NRDC: variants seen among roughly 807,000 people sequenced by gnomAD.
The protein encoded by NRDC is nardilysin.
A neutral mutation model predicts 147.1 loss-of-function variants in NRDC; 54 were observed. The ratio of observed to expected loss-of-function variants is 0.37; its 90% CI spans 0.29 to 0.46. The LOEUF (loss-of-function observed/expected upper bound fraction) is 0.46. Among genes scored for constraint, NRDC ranks in the 20% least tolerant of loss-of-function variants. NRDC has a pLI of 1.00. For missense variants in NRDC, 1,082 were observed against 1,370.6 expected, an observed-to-expected ratio of 0.79 and a Z score of 3.33; for synonymous variants, 440 against 482.1, an observed-to-expected ratio of 0.91 and a Z score of 1.14.
intron 3 of NRDC, 112 bp downstream of exon 3, chr1:51,836,019 T>C: frequency 1.2e-6 from 1 of 813,724 alleles, no homozygotes; most frequent in South Asian, 1.6e-5. Context: ...CCTTTTCTCT[T>C]GCTAAATATA....
At chr1:51,825,506 T>G (rs1472811067) in intron 5 of NRDC, 124 bp from the exon 6 acceptor site, 1 of 737,226 alleles carries the variant, frequency 1.4e-6, no homozygotes, top group Admixed American at 3.2e-5. Context: ...TCACGTGTTA[T>G]AAGACTGAAG....
chr1:51,855,580 C>G (rs557318883), intron 1 of NRDC, among the ~76,000 whole-genome samples: 1 of 151,946 alleles, frequency 6.6e-6, no homozygotes, highest in East Asian at 1.9e-4. Flanking sequence ...AAATTGCATA[C>G]TGGGAGGAAA....
intron 4 of NRDC, among the ~76,000 whole-genome samples, chr1:51,828,253 T>C (rs1201440317): frequency 2.0e-5 from 3 of 152,250 alleles, no homozygotes; most frequent in Non-Finnish European, 4.4e-5. Context: ...ATTACCTATA[T>C]ACCTATTTCT....
intron 1 of NRDC, among the ~76,000 whole-genome samples, chr1:51,849,539 G>A (rs1445286335): frequency 2.0e-5 from 3 of 152,096 alleles, no homozygotes; most frequent in South Asian, 4.1e-4. Flanking sequence ...AAAGATGGCC[G>A]GGCACGGTGG....
At position 51,790,791 on chromosome 1, in the gene NRDC, AG is replaced by A. The variant is rs540328295; in HGVS notation, c.3051+108del. 7.2e-4 allele frequency: 703 copies of A among 982,186 alleles called. 1 individual carries two copies. Among genetic ancestry groups the A allele is most frequent in the Non-Finnish European group, 9.3e-4 (588 of 631,070 alleles). 60.8% of individuals were successfully genotyped at this position (982,186 alleles called of 1,614,324 possible). On this transcript the variant is annotated intron_variant, in intron 28 of 30. Coordinates refer to ENST00000352171, the MANE Select transcript of NRDC (RefSeq NM_001101662.2). ...GAAGCTAGGGAGACACTATTGTAAG[AG>A]GAAGGTGGGGCTGCAAAGCTCAAAA...
At chr1:51,797,902 C>T (rs531285531) in intron 22 of NRDC, 31 of 174,688 alleles carry the variant, frequency 1.8e-4, no homozygotes, top group African/African-American at 6.4e-4. Context: ...TCCCAAGTAG[C>T]GGAGACTATA....
Position 51,836,181 on chromosome 1 carries a change from C to T in NRDC, c.662G>A (p.Ser221Asn), listed in dbSNP as rs772819820. The change falls in exon 3 of 31, where the codon AGT becomes AAT. Residue 221 changes from serine to asparagine, a missense_variant. By Grantham distance (46) the Ser-to-Asn change is conservative. Coordinates refer to ENST00000352171, the MANE Select transcript of NRDC (RefSeq NM_001101662.2). ...CGGCAGGTCATCTGGATCAGCGAAACTCCCAACTCCAACACAAAGAGCCGC... is the reference window on the plus strand; with the variant it reads ...CGGCAGGTCATCTGGATCAGCGAAATTCCCAACTCCAACACAAAGAGCCGC... ...SAAALCVGVG[S>N]FADPDDLPGL... 4 of 1,614,070 alleles carry T rather than the reference C, an allele frequency of 2.5e-6. No homozygotes were observed. Among genetic ancestry groups the T allele is most frequent in the Non-Finnish European group, 2.5e-6 (3 of 1,180,040 alleles).
At chr1:51,809,665 G>A (rs1431837551) in intron 16 of NRDC, among the ~76,000 whole-genome samples, 1 of 152,142 alleles carries the variant, frequency 6.6e-6, no homozygotes, top group Non-Finnish European at 1.5e-5. Context: ...GGGAGGCTGA[G>A]GTGGGTGGAT....
At chr1:51,811,962 A>T in intron 15 of NRDC, 32 bp downstream of exon 15, 1 of 1,439,360 alleles carries the variant, frequency 6.9e-7, no homozygotes, top group African/African-American at 1.4e-5. Flanking sequence ...TCTTCCCCTA[A>T]AAGTAAGTTT....
At chr1:51,820,635 A>C (rs917886586) in intron 8 of NRDC, among the ~76,000 whole-genome samples, 1 of 152,172 alleles carries the variant, frequency 6.6e-6, no homozygotes, top group Non-Finnish European at 1.5e-5. Flanking sequence ...ACCAAAAAGC[A>C]CTGCTAATTA....
intron 23 of NRDC, 36 bp downstream of exon 23, chr1:51,794,787 A>G: frequency 6.2e-7 from 1 of 1,612,286 alleles, no homozygotes; most frequent in Non-Finnish European, 8.5e-7. Context: ...CGCTGGTAAG[A>G]ACACATAACC....
intron 7 of NRDC, among the ~76,000 whole-genome samples, chr1:51,822,242 G>A (rs1216649097): frequency 6.6e-6 from 1 of 152,054 alleles, no homozygotes; most frequent in Non-Finnish European, 1.5e-5. Context: ...ATTCTCAATA[G>A]AGAACCCCAT....
At position 51,854,228 on chromosome 1, in the gene NRDC, C is replaced by T. The variant is rs141184884; in HGVS notation, c.342-13714G>A. On this transcript the variant is annotated intron_variant, in intron 1 of 30. Transcript: ENST00000352171. ...ACTAAAAATACAAAAAATAGCCAGG[C>T]GTAGAGGTGCACACCTGTAGTCCCA... 1.6e-4 allele frequency among the ~76,000 whole-genome samples: 24 copies of T among 152,052 alleles called. No homozygotes were observed. The East Asian group carries it at 2.7e-3, about 17-fold the overall frequency.
chr1:51,863,852 G>A (rs911812726), intron 1 of NRDC, among the ~76,000 whole-genome samples: 1 of 152,148 alleles, frequency 6.6e-6, no homozygotes, highest in Non-Finnish European at 1.5e-5. Flanking sequence ...GATGCTCCTC[G>A]ACTTACAACA....
intron 22 of NRDC, among the ~76,000 whole-genome samples, chr1:51,797,394 A>G (rs1158990646): frequency 2.0e-5 from 3 of 152,214 alleles, no homozygotes; most frequent in Non-Finnish European, 4.4e-5. Flanking sequence ...ACTACTTTAG[A>G]TAACTCCTAT....
rs1412329425 is a variant in NRDC, at chr1:51,795,128, G to C, written c.2605-274C>G. The C allele has an allele frequency of 9.2e-6, 13 of 1,406,962 alleles. No homozygotes were observed. In the South Asian group the frequency reaches 1.6e-4, roughly 17 times the overall value. The allele number at this position is 1,406,962 out of a possible 1,614,324, so 87.2% of individuals were successfully genotyped here. A position where few individuals can be genotyped will look rare whatever the true frequency, so the allele number is the denominator to read the frequency against. The stretch of plus-strand genomic sequence containing the variant: ...CAACTGGATCAAACTTAATTGTTCA[G>C]TGTTGGTTTACCCAACTAGGCTGTG... On this transcript the variant is annotated intron_variant, in intron 22 of 30. Transcript: ENST00000352171.
chr1:51,861,124 AT>A (rs1682511010), intron 1 of NRDC, among the ~76,000 whole-genome samples: 1 of 151,452 alleles, frequency 6.6e-6, no homozygotes, highest in Non-Finnish European at 1.5e-5. Flanking sequence ...TAATTTTTGT[AT>A]TTTTAGCAGA....
intron 23 of NRDC, 29 bp from the exon 24 acceptor site, chr1:51,794,639 G>A: frequency 6.2e-7 from 1 of 1,610,784 alleles, no homozygotes; most frequent in Non-Finnish European, 8.5e-7. Flanking sequence ...GGGTCACTGA[G>A]GCACCCAAAA....
At chr1:51,839,910 G>T (rs762139175) in intron 2 of NRDC, 18 of 174,908 alleles carry the variant, frequency 1.0e-4, no homozygotes, top group Admixed American at 2.5e-4. Flanking sequence ...ACCAGTATTT[G>T]TTTTTAAAAC....
Sources: allele counts gnomAD v4.1 joint callset (sites outside exome capture counted in the v4.1 genomes callset), GRCh38; gene constraint gnomAD v4.1.1; transcripts MANE v1.5; gene names NCBI Gene and HGNC (gene_info 2026-07-23, HGNC 2026-07-21).